P2RX3: variants seen among roughly 807,000 people sequenced by gnomAD.
P2RX3 encodes the protein P2X purinoceptor 3.
A neutral mutation model predicts 51.5 loss-of-function variants in P2RX3; 41 were observed. The ratio of observed to expected loss-of-function variants is 0.80; its 90% CI spans 0.62 to 1.03. The LOEUF is 1.03. P2RX3 is among the 50% of genes least tolerant of loss of function. The pLI, the probability that P2RX3 is intolerant of heterozygous loss-of-function variation, is 0.00. For missense variants in P2RX3, 459 were observed against 522.1 expected (o/e 0.88, Z 1.18); for synonymous variants, 185 against 191.6 (o/e 0.97, Z 0.29).
intron 8 of P2RX3, among the ~76,000 whole-genome samples, chr11:57,351,359 C>A (rs540601177): frequency 2.0e-4 from 31 of 152,182 alleles, no homozygotes; most frequent in African/African-American, 6.8e-4. Context: ...CATTTCTCTC[C>A]GCAAACGTGT....
At chr11:57,341,604 C>T (rs950306861) in intron 1 of P2RX3, among the ~76,000 whole-genome samples, 3 of 152,150 alleles carry the variant, frequency 2.0e-5, no homozygotes, top group African/African-American at 4.8e-5. Context: ...TGGGACTTCC[C>T]GAGAGCCCAT....
intron 6 of P2RX3, among the ~76,000 whole-genome samples, chr11:57,349,484 A>G (rs1442704542): frequency 1.3e-5 from 2 of 151,716 alleles, no homozygotes; most frequent in African/African-American, 2.4e-5. Context: ...AAAAATGCAC[A>G]GAGTAACCAA....
chr11:57,353,566 G>A (rs978607126), intron 8 of P2RX3, among the ~76,000 whole-genome samples: 1 of 152,138 alleles, frequency 6.6e-6, no homozygotes, highest in African/African-American at 2.4e-5. Context: ...TAAAAACAAA[G>A]AATCTAAGTT....
intron 2 of P2RX3, 119 bp from the exon 3 acceptor site, chr11:57,346,997 C>A: frequency 8.9e-7 from 1 of 1,128,050 alleles, no homozygotes; most frequent in Non-Finnish European, 1.3e-6. Flanking sequence ...TGACCTTGGC[C>A]AAGTCACTAG....
intron 1 of P2RX3, among the ~76,000 whole-genome samples, chr11:57,342,182 C>T (rs1381500026): frequency 5.3e-5 from 5 of 93,718 alleles, no homozygotes; most frequent in African/African-American, 1.7e-4. Flanking sequence ...TTTTTTGAGA[C>T]GGAGCCTTGC....
rs1429179093 is a variant in P2RX3, at chr11:57,358,647, G to T, written c.842+7749G>T. 3.9e-5 allele frequency among the ~76,000 whole-genome samples: 6 copies of T among 152,032 alleles called. No individual in the cohort carries two copies. In the East Asian group the frequency reaches 7.7e-4, roughly 20 times the overall value. The stretch of plus-strand genomic sequence containing the variant: ...CTGGTTAAAGATGATGATCTTTTAG[G>T]CTCCTTCAAGCCCTAAAAGTCTGAA... On this transcript the variant is annotated intron_variant, in intron 8 of 11. Transcript: ENST00000263314.
chr11:57,369,694 G>GAGC (rs1856852106), intron 11 of P2RX3, among the ~76,000 whole-genome samples, 190 bp from the exon 12 acceptor site: 1 of 152,180 alleles, frequency 6.6e-6, no homozygotes, highest in Non-Finnish European at 1.5e-5. Flanking sequence ...AGGACTAGGG[G>GAGC]AGGCCATGGG....
In P2RX3 at chr11:57,371,920, T is replaced by G. The variant is rs1197536033; in HGVS notation, c.*1923T>G. On this transcript the variant is annotated 3_prime_UTR_variant, in exon 12 of 12. Coordinates refer to ENST00000263314, the MANE Select transcript of P2RX3 (RefSeq NM_002559.5). ...CCCCAACCCCTCCCTTTTACCCAGATGGAGGTGGTCCTCCTGTAGGTGCCT... is the reference window on the plus strand; with the variant it reads ...CCCCAACCCCTCCCTTTTACCCAGAGGGAGGTGGTCCTCCTGTAGGTGCCT... 7.0e-6 allele frequency among the ~76,000 whole-genome samples: 1 copy of G among 142,506 alleles called. No homozygotes were observed. The highest frequency in any genetic ancestry group is 1.5e-5 in the Non-Finnish European group (1 of 64,752). The allele number at this position is 142,506 out of a possible 152,430, so 93.5% of individuals were successfully genotyped here.
intron 1 of P2RX3, among the ~76,000 whole-genome samples, chr11:57,340,115 C>G (rs1318763041): frequency 6.6e-6 from 1 of 152,208 alleles, no homozygotes; most frequent in African/African-American, 2.4e-5. Context: ...CCTAAATGTT[C>G]TGTGTTCACG....
At chr11:57,348,606 G>A (rs1565064763) in intron 5 of P2RX3, 21 bp from the exon 6 acceptor site, 1 of 1,602,954 alleles carries the variant, frequency 6.2e-7, no homozygotes, top group Admixed American at 1.7e-5. Flanking sequence ...GAAAGCTAAG[G>A]CCTCCTGTGC....
intron 8 of P2RX3, among the ~76,000 whole-genome samples, chr11:57,352,720 C>A (rs1051046076): frequency 2.6e-5 from 4 of 152,184 alleles, no homozygotes; most frequent in African/African-American, 9.7e-5. Flanking sequence ...CCTCCCTCCC[C>A]ACCTGAGCAC....
At position 57,347,416 on chromosome 11, in the gene P2RX3, G is replaced by C; in HGVS notation, c.329G>C (p.Ser110Thr). 1 of 1,559,270 alleles carries C rather than the reference G, an allele frequency of 6.4e-7. No homozygotes were observed. The highest frequency in any genetic ancestry group is 1.2e-5 in the South Asian group (1 of 84,606). The change falls in exon 4 of 12, where the codon AGT becomes ACT. Residue 110 changes from serine (S) to threonine (T), a missense_variant and splice_region_variant. Coordinates refer to ENST00000263314, the MANE Select transcript of P2RX3 (RefSeq NM_002559.5). ...ENQMQGFCPE[S>T]EEKYRCVSDS... ...AACCTGTGACCCGTCTGCCCACAGAGTGAGGAGAAATACCGCTGTGTATCA... is the reference window on the plus strand; with the variant it reads ...AACCTGTGACCCGTCTGCCCACAGACTGAGGAGAAATACCGCTGTGTATCA...
At chr11:57,362,265 A>G (rs536429661) in intron 8 of P2RX3, among the ~76,000 whole-genome samples, 27 of 152,334 alleles carry the variant, frequency 1.8e-4, no homozygotes, top group African/African-American at 6.3e-4. Context: ...AGCGTGTGGC[A>G]GGGAGAAGAG....
intron 8 of P2RX3, among the ~76,000 whole-genome samples, chr11:57,360,806 A>G (rs1324466781): frequency 6.8e-6 from 1 of 147,362 alleles, no homozygotes. Flanking sequence ...AAAAAAAAAA[A>G]GAAAAAAAGA....
chr11:57,369,691 G>A (rs1200469785), intron 11 of P2RX3, among the ~76,000 whole-genome samples, 193 bp from the exon 12 acceptor site: 1 of 152,068 alleles, frequency 6.6e-6, no homozygotes, highest in Non-Finnish European at 1.5e-5. Context: ...GGCAGGACTA[G>A]GGGAGGCCAT....
intron 1 of P2RX3, among the ~76,000 whole-genome samples, chr11:57,345,190 C>T (rs1043902691): frequency 6.6e-6 from 1 of 152,242 alleles, no homozygotes; most frequent in African/African-American, 2.4e-5. Flanking sequence ...GCTTTGTCTT[C>T]TCTGGGCTAC....
intron 8 of P2RX3, among the ~76,000 whole-genome samples, chr11:57,352,968 A>C (rs983976875): frequency 2.6e-5 from 4 of 152,186 alleles, no homozygotes; most frequent in Non-Finnish European, 5.9e-5. Flanking sequence ...CCCAAGTAAT[A>C]GCCCTGACAT....
upstream of P2RX3, chr11:57,338,351 T>C (rs1311839107): frequency 3.7e-5 from 17 of 455,386 alleles, no homozygotes; most frequent in Non-Finnish European, 6.0e-5. Flanking sequence ...GCCCTGGTCC[T>C]GGCCTCTTGG....
chr11:57,348,303 C>A, intron 5 of P2RX3, 40 bp downstream of exon 5: 1 of 1,528,012 alleles, frequency 6.5e-7, no homozygotes, highest in Non-Finnish European at 8.9e-7. Flanking sequence ...AGGCCCCCAC[C>A]TCAGCTCCCC....
Sources: allele counts gnomAD v4.1 joint callset (sites outside exome capture counted in the v4.1 genomes callset), GRCh38; gene constraint gnomAD v4.1.1; transcripts MANE v1.5; gene names NCBI Gene and HGNC (gene_info 2026-07-23, HGNC 2026-07-21).